Variants in TMTC2 observed in about 807,000 individuals in gnomAD.
TMTC2 encodes protein O-mannosyl-transferase TMTC2.
Under a neutral mutation model 82.4 loss-of-function variants are expected in TMTC2, and 43 were observed. The observed-to-expected ratio is 0.52, with a 90% CI of 0.41 to 0.67. The LOEUF is 0.67. Among genes scored for constraint, TMTC2 ranks in the 30% least tolerant of loss-of-function variants. The pLI, the probability that TMTC2 is intolerant of heterozygous loss-of-function variation, is 0.00. For missense variants in TMTC2, 919 were observed against 1,012.4 expected (o/e 0.91, Z 1.25); for synonymous variants, 408 against 381.9 (o/e 1.07, Z -0.80).
intron 7 of TMTC2, among the ~76,000 whole-genome samples, chr12:82,975,822 A>G (rs779217714): frequency 2.0e-5 from 3 of 151,700 alleles, no homozygotes; most frequent in Non-Finnish European, 4.4e-5. Context: ...TCTGAATACT[A>G]TTTTCATTTG....
intron 3 of TMTC2, among the ~76,000 whole-genome samples, chr12:82,920,063 C>A (rs1262386189): frequency 1.3e-5 from 2 of 152,164 alleles, no homozygotes; most frequent in Non-Finnish European, 2.9e-5. Context: ...CTCTAAGTAT[C>A]AATTTTCTAT....
At chr12:82,874,474 G>T (rs770054996) in intron 2 of TMTC2, among the ~76,000 whole-genome samples, 7 of 152,122 alleles carry the variant, frequency 4.6e-5, no homozygotes, top group Non-Finnish European at 8.8e-5. Flanking sequence ...TGGGCTTCTT[G>T]TGCAGATATT....
intron 3 of TMTC2, among the ~76,000 whole-genome samples, chr12:82,929,364 C>T (rs1426676080): frequency 6.6e-6 from 1 of 152,110 alleles, no homozygotes; most frequent in Non-Finnish European, 1.5e-5. Flanking sequence ...GCCTCAGACA[C>T]TGTCTTAAAC....
intron 8 of TMTC2, among the ~76,000 whole-genome samples, chr12:82,997,344 GTGTGTATATATATATATATA>G (rs554829256): frequency 1.9e-3 from 40 of 20,994 alleles, no homozygotes; most frequent in East Asian, 4.7e-3. Context: ...GTGTGTGTGT[GTGTGTATATATATATATATA>G]TGTGTATATA....
intron 2 of TMTC2, among the ~76,000 whole-genome samples, chr12:82,871,720 T>TGTGTGTGTGTGTGTG (rs1555192961): frequency 2.0e-5 from 3 of 150,708 alleles, no homozygotes; most frequent in African/African-American, 4.9e-5. Flanking sequence ...TGTGTGTGTG[T>TGTGTGTGTGTGTGTG]TTTAAGACCA....
intron 1 of TMTC2, among the ~76,000 whole-genome samples, chr12:82,691,048 T>C (rs181966882): frequency 6.6e-6 from 1 of 152,330 alleles, no homozygotes; most frequent in African/African-American, 2.4e-5. Context: ...TTCTAAACTT[T>C]AGAAGTCTGA....
At chr12:82,772,389 G>A (rs1877355045) in intron 1 of TMTC2, among the ~76,000 whole-genome samples, 2 of 152,166 alleles carry the variant, frequency 1.3e-5, no homozygotes, top group Admixed American at 6.5e-5. Context: ...TGGAAGTACT[G>A]TTTTATCTAA....
intron 1 of TMTC2, among the ~76,000 whole-genome samples, chr12:82,775,029 G>A (rs1463041773): frequency 1.3e-5 from 2 of 151,940 alleles, no homozygotes; most frequent in African/African-American, 4.8e-5. Flanking sequence ...TCTTGCCATT[G>A]GTAAGACACC....
chr12:82,772,353 A>C (rs1877354115), intron 1 of TMTC2, among the ~76,000 whole-genome samples: 1 of 152,198 alleles, frequency 6.6e-6, no homozygotes, highest in African/African-American at 2.4e-5. Context: ...AGGAGACAGC[A>C]TTTTCAGTGG....
chr12:82,773,257 A>G (rs554281358), intron 1 of TMTC2, among the ~76,000 whole-genome samples: 45 of 152,324 alleles, frequency 3.0e-4, no homozygotes, highest in South Asian at 1.2e-3. Context: ...CAAATTGTAT[A>G]TAGTCAAAAG....
At chr12:82,834,976 C>A (rs967485726) in intron 1 of TMTC2, among the ~76,000 whole-genome samples, 3 of 151,894 alleles carry the variant, frequency 2.0e-5, no homozygotes, top group African/African-American at 4.8e-5. Context: ...CTCCCGAGTT[C>A]AAACAATTTT....
intron 4 of TMTC2, among the ~76,000 whole-genome samples, chr12:82,959,405 A>G (rs1877792210): frequency 6.6e-6 from 1 of 152,144 alleles, no homozygotes. Flanking sequence ...GAGGCATTGC[A>G]TTATTCAACC....
At chr12:82,942,152 A>AAAAC (rs1254300255) in intron 4 of TMTC2, among the ~76,000 whole-genome samples, 1 of 152,176 alleles carries the variant, frequency 6.6e-6, no homozygotes, top group African/African-American at 2.4e-5. Flanking sequence ...ATACACATTG[A>AAAAC]AAACATATTT....
intron 7 of TMTC2, among the ~76,000 whole-genome samples, chr12:82,973,214 T>C (rs1878523585): frequency 6.6e-6 from 1 of 152,164 alleles, no homozygotes; most frequent in African/African-American, 2.4e-5. Context: ...TGAAAATCAA[T>C]GAGGCAATCC....
chr12:82,717,723 T>C (rs1001916557), intron 1 of TMTC2, among the ~76,000 whole-genome samples: 13 of 152,192 alleles, frequency 8.5e-5, no homozygotes, highest in African/African-American at 3.1e-4. Flanking sequence ...TTTAGTAAAT[T>C]GTTTAGCACT....
intron 1 of TMTC2, among the ~76,000 whole-genome samples, chr12:82,749,719 T>C (rs1301596236): frequency 7.1e-6 from 1 of 141,060 alleles, no homozygotes; most frequent in Non-Finnish European, 1.5e-5. Flanking sequence ...AACTGTTTGT[T>C]TTTCTTTCTT....
intron 11 of TMTC2, among the ~76,000 whole-genome samples, chr12:83,089,779 A>G (rs911584415): frequency 2.0e-5 from 3 of 151,852 alleles, no homozygotes; most frequent in Admixed American, 6.6e-5. Flanking sequence ...TTTGTAGACA[A>G]TGCTGACTCA....
At position 83,106,435 on chromosome 12, in the gene TMTC2, G is replaced by A. The variant is rs368316199; in HGVS notation, c.2332-25775G>A. On this transcript the variant is annotated intron_variant, in intron 11 of 11. Transcript: ENST00000321196. ...AATCACCTGAACCCAGGAGGCGGAG[G>A]TTGCAGTGAGCCGAGATCACGCCAT... Among the ~76,000 whole-genome samples the A allele has an allele frequency of 7.4e-4, 110 of 149,060 alleles. 1 individual carries two copies. In the South Asian group the frequency reaches 0.023, roughly 31 times the overall value.
At chr12:82,732,331 A>G (rs1006898477) in intron 1 of TMTC2, among the ~76,000 whole-genome samples, 1 of 150,946 alleles carries the variant, frequency 6.6e-6, no homozygotes, top group African/African-American at 2.4e-5. Context: ...ACCTTTTTGC[A>G]TTTTGGTTCT....
Sources: allele counts gnomAD v4.1 joint callset (sites outside exome capture counted in the v4.1 genomes callset), GRCh38; gene constraint gnomAD v4.1.1; transcripts MANE v1.5; gene names NCBI Gene and HGNC (gene_info 2026-07-23, HGNC 2026-07-21).